Variants in TEAD3 observed in about 807,000 individuals in gnomAD.
The protein encoded by TEAD3 is TEA domain transcription factor 3, also known as transcriptional enhancer factor TEF-5.
TEAD3 carries 15 observed loss-of-function variants against 55.6 expected under a neutral mutation model. The observed-to-expected ratio is 0.27, with a 90% CI of 0.18 to 0.42. The LOEUF is 0.42. Ranked by LOEUF, TEAD3 falls within the 10% of genes least tolerant of loss-of-function variation. The probability of loss-of-function intolerance (pLI) is 1.00; values close to 1 mark genes in which losing one functional copy is unlikely to be tolerated. For missense variants in TEAD3, 407 were observed against 576.8 expected (o/e 0.71, Z 3.01); for synonymous variants, 210 against 232.2 (o/e 0.90, Z 0.87).
chr6:35,481,672 T>C (rs749564089), intron 3 of TEAD3, among the ~76,000 whole-genome samples: 9 of 152,166 alleles, frequency 5.9e-5, no homozygotes, highest in Admixed American at 1.3e-4. Flanking sequence ...GACTTACAGA[T>C]AACGAAACTA....
At chr6:35,490,626 C>G (rs565263669) in intron 1 of TEAD3, among the ~76,000 whole-genome samples, 1 of 152,326 alleles carries the variant, frequency 6.6e-6, no homozygotes, top group African/African-American at 2.4e-5. Context: ...CTGCCCCCGT[C>G]TGGGGGCTGG....
Position 35,476,284 on chromosome 6 carries a change from C to A in TEAD3, c.726+18G>T. On this transcript the variant is annotated intron_variant, in intron 9 of 12. Transcript: ENST00000639578. Reference sequence around the variant, plus strand: ...CCACAATTGTGCAAAGCCTCACCCTCACCCCCAAACACGTTACCGTGTCAG... The same window carrying A: ...CCACAATTGTGCAAAGCCTCACCCTAACCCCCAAACACGTTACCGTGTCAG... 6.2e-7 allele frequency: 1 copy of A among 1,610,014 alleles called. No individual in the cohort carries two copies.
At chr6:35,478,607 C>G in intron 5 of TEAD3, 36 bp from the exon 6 acceptor site, 1 of 1,557,148 alleles carries the variant, frequency 6.4e-7, no homozygotes, top group Non-Finnish European at 8.7e-7. Flanking sequence ...CAGGGCCACG[C>G]TGGATGAGGC....
intron 1 of TEAD3, among the ~76,000 whole-genome samples, chr6:35,490,256 G>A (rs1056314900): frequency 2.0e-4 from 31 of 152,182 alleles, no homozygotes; most frequent in African/African-American, 5.8e-4. Flanking sequence ...CAAATATGGC[G>A]AACACAGCAG....
At chr6:35,476,204 A>G (rs1321207893) in intron 9 of TEAD3, 98 bp downstream of exon 9, 3 of 1,554,200 alleles carry the variant, frequency 1.9e-6, no homozygotes, top group African/African-American at 2.7e-5. Flanking sequence ...TGAACAGGCC[A>G]GACCCCCAAC....
Position 35,486,411 on chromosome 6 carries a change from A to G in TEAD3, c.202+50T>C, listed in dbSNP as rs1200767732. 1 of 1,569,052 alleles carries G rather than the reference A, an allele frequency of 6.4e-7. No individual in the cohort carries two copies. Among genetic ancestry groups the G allele is most frequent in the Admixed American group, 1.7e-5 (1 of 57,246 alleles). ...CACCAAACCGGTTGGGTGAGAGGGC[A>G]GAGAGCAGGGGGAAGGGCCGCAGTC... is the stretch of plus-strand genomic sequence containing the variant. On this transcript the variant is annotated intron_variant, in intron 2 of 12. Transcript: ENST00000639578. This position sits in a 1 kb window ranked among gnomAD's most constrained non-coding sequence, Gnocchi z 7.3.
At chr6:35,473,660 C>T (rs1768080600), downstream of TEAD3, 2 of 136,508 alleles carry the variant, frequency 1.5e-5, no homozygotes, top group South Asian at 4.6e-4. Context: ...TGAGCAGGAG[C>T]TGGGCCTTTG....
intron 1 of TEAD3, among the ~76,000 whole-genome samples, chr6:35,490,408 G>A (rs556542418): frequency 2.6e-4 from 39 of 152,298 alleles, no homozygotes; most frequent in Middle Eastern, 3.4e-3. Context: ...CCCTCCCTTC[G>A]GCTGGCTCCT....
Position 35,484,712 on chromosome 6 carries a change from G to A in TEAD3, c.203-88C>T. ...CCCACCCCACCGGGAAGCCACTCCA[G>A]GACCCTCCCCAAAACACTGCTCTTC... On this transcript the variant is annotated intron_variant, in intron 2 of 12. Transcript: ENST00000639578. This position sits in a 1 kb window ranked among gnomAD's most constrained non-coding sequence, Gnocchi z 5.8. 1.7e-6 allele frequency: 2 copies of A among 1,164,030 alleles called. No individual in the cohort carries two copies. Among genetic ancestry groups the A allele is most frequent in the Admixed American group, 2.0e-5 (1 of 50,278 alleles). 72.1% of individuals were successfully genotyped at this position (1,164,030 alleles called of 1,614,324 possible).
chr6:35,474,926 C>T, exon 13 of TEAD3: 1 of 822,150 alleles, frequency 1.2e-6, no homozygotes. Context: ...CCTCCTGGGT[C>T]CTGGGCCTGA....
intron 3 of TEAD3, 51 bp downstream of exon 4, chr6:35,480,261 T>C: frequency 1.1e-5 from 17 of 1,601,262 alleles, no homozygotes; most frequent in Non-Finnish European, 1.4e-5. Context: ...GATAGCGCCG[T>C]GGGTGAGGGG....
chr6:35,475,884 G>C lies in TEAD3; in HGVS notation c.900+35C>G. 1 of 1,510,524 alleles carries C rather than the reference G, an allele frequency of 6.6e-7. No homozygotes were observed. The highest frequency in any genetic ancestry group is 8.8e-7 in the Non-Finnish European group (1 of 1,131,112). 93.6% of individuals were successfully genotyped at this position (1,510,524 alleles called of 1,614,324 possible). A position where few individuals can be genotyped will look rare whatever the true frequency, so the allele number is the denominator to read the frequency against. On this transcript the variant is annotated intron_variant, in intron 10 of 12. Coordinates refer to ENST00000639578, the Ensembl canonical transcript of TEAD3. The surrounding 1 kb of genome is among the most constrained non-coding windows in gnomAD (Gnocchi z 5.4). Reference sequence around the variant, plus strand: ...GATGTTGCACCTCTGGGGTGGGGAAGGGGGCTTGGAGCAGAGAAGGCCAGG... The same window carrying C: ...GATGTTGCACCTCTGGGGTGGGGAACGGGGCTTGGAGCAGAGAAGGCCAGG...
chr6:35,487,754 A>G (rs914801296), intron 1 of TEAD3, among the ~76,000 whole-genome samples: 14 of 151,994 alleles, frequency 9.2e-5, no homozygotes, highest in African/African-American at 3.4e-4. Flanking sequence ...ACAAAAACAA[A>G]CAAACAACAA....
intron 3 of TEAD3, among the ~76,000 whole-genome samples, chr6:35,482,681 G>T (rs1161449913): frequency 6.6e-6 from 1 of 152,134 alleles, no homozygotes; most frequent in African/African-American, 2.4e-5. Flanking sequence ...GGAGGCTGAG[G>T]CGGGAGGACT....
chr6:35,479,964 C>T, intron 4 of TEAD3: 1 of 1,125,040 alleles, frequency 8.9e-7, no homozygotes, highest in Non-Finnish European at 1.2e-6. Flanking sequence ...AGCTTCTCAG[C>T]CCCTTGCCTG....
At chr6:35,481,709 C>T (rs562777364) in intron 3 of TEAD3, among the ~76,000 whole-genome samples, 4 of 152,334 alleles carry the variant, frequency 2.6e-5, no homozygotes, top group East Asian at 3.9e-4. Context: ...AGCTGTCACA[C>T]GGCTGAGTGC....
Position 35,486,339 on chromosome 6 carries a change from C to T in TEAD3, c.202+122G>A. The T allele has an allele frequency of 8.5e-7, 1 of 1,181,716 alleles. No homozygotes were observed. Among genetic ancestry groups the T allele is most frequent in the Non-Finnish European group, 1.2e-6 (1 of 850,582 alleles). The allele number at this position is 1,181,716 out of a possible 1,614,324, so 73.2% of individuals were successfully genotyped here. A position where few individuals can be genotyped will look rare whatever the true frequency, so the allele number is the denominator to read the frequency against. ...GCGGAGGAGGATCCAGACACACAGGCTTGCGCGCCCAGACTCGCCCGGCCA... is the reference window on the plus strand; with the variant it reads ...GCGGAGGAGGATCCAGACACACAGGTTTGCGCGCCCAGACTCGCCCGGCCA... On this transcript the variant is annotated intron_variant, in intron 2 of 12. Transcript: ENST00000639578. This position sits in a 1 kb window ranked among gnomAD's most constrained non-coding sequence, Gnocchi z 7.3.
At chr6:35,476,419 G>T in exon 9 of TEAD3, 2 of 1,612,990 alleles carry the variant, frequency 1.2e-6, no homozygotes, top group Non-Finnish European at 1.7e-6. Flanking sequence ...AGGGGAGCGG[G>T]GCCAGGGGCT....
chr6:35,479,334 A>T lies in TEAD3; in HGVS notation c.331-18T>A, dbSNP rs753529461. The T allele has an allele frequency of 1.1e-5, 17 of 1,613,804 alleles. No homozygotes were observed. In the East Asian group the frequency reaches 3.3e-4, roughly 32 times the overall value. Reference sequence around the variant, plus strand: ...TTCATGGCCTGTGAGGGAGAGAAGGAAGATAGATTAGAGGACATGTGCAGC... The same window carrying T: ...TTCATGGCCTGTGAGGGAGAGAAGGTAGATAGATTAGAGGACATGTGCAGC... On this transcript the variant is annotated intron_variant, in intron 4 of 12. Transcript: ENST00000639578.
Sources: gnomAD v4.1 joint callset for allele counts (sites outside exome capture counted in the v4.1 genomes callset) on GRCh38, gnomAD v4.1.1 for gene constraint, Gnocchi (gnomAD v3.1) non-coding constraint, MANE v1.5 for transcripts, NCBI Gene and HGNC (gene_info 2026-07-23, HGNC 2026-07-21) for gene names.